The following DNAJC12 variants were observed in gnomAD, a reference collection of about 807,000 sequenced individuals.
DNAJC12 encodes the protein dnaJ homolog subfamily C member 12.
In DNAJC12, 25 loss-of-function variants were observed where a neutral mutation model predicts 28.5. That is an observed-to-expected ratio of 0.88 (90% CI 0.64 to 1.22). The LOEUF (loss-of-function observed/expected upper bound fraction) is 1.22. Among genes scored for constraint, DNAJC12 ranks in the 50% most tolerant of loss-of-function variants. The pLI is 0.00. For synonymous variants in DNAJC12, 77 were observed against 80.6 expected (o/e 0.95, Z 0.24); for missense variants, 222 against 231.7 (o/e 0.96, Z 0.27).
intron 2 of DNAJC12, among the ~76,000 whole-genome samples, chr10:67,821,164 T>G (rs1841977825): frequency 6.6e-6 from 1 of 152,204 alleles, no homozygotes; most frequent in Non-Finnish European, 1.5e-5. Context: ...GATATTATCC[T>G]TATAGAAAAA....
At chr10:67,836,506 A>G (rs1404268493) in intron 1 of DNAJC12, among the ~76,000 whole-genome samples, 3 of 152,168 alleles carry the variant, frequency 2.0e-5, no homozygotes, top group African/African-American at 7.2e-5. Context: ...TTGATTTTAA[A>G]TTATTCCTTC....
intron 1 of DNAJC12, among the ~76,000 whole-genome samples, chr10:67,836,214 G>A (rs1985797): frequency 0.68 from 103,390 of 151,802 alleles, 36,675 homozygotes; most frequent in Non-Finnish European, 0.8. Flanking sequence ...GGGGGAGAAG[G>A]GGAGGGACAG....
At chr10:67,811,396 T>C (rs1589605451) in intron 3 of DNAJC12, 128 bp downstream of exon 3, 1 of 1,522,032 alleles carries the variant, frequency 6.6e-7, no homozygotes, top group Non-Finnish European at 8.8e-7. Context: ...CTGAATTATA[T>C]CCAGACTCTG....
intron 4 of DNAJC12, among the ~76,000 whole-genome samples, chr10:67,802,568 T>C (rs1841757553): frequency 6.6e-6 from 1 of 152,208 alleles, no homozygotes; most frequent in Admixed American, 6.5e-5. Flanking sequence ...GACCATCCCA[T>C]CTGTGTGTAT....
At chr10:67,819,767 GAA>G (rs578150394) in intron 2 of DNAJC12, among the ~76,000 whole-genome samples, 1,056 of 22,450 alleles carry the variant, frequency 0.047, 58 homozygotes, top group East Asian at 0.23. Flanking sequence ...AGGAAGGAAG[GAA>G]GGAAGGAAGG....
In DNAJC12 at chr10:67,837,946, A is replaced by G; in HGVS notation, c.66T>C (p.Asp22=). 6.2e-7 allele frequency: 1 copy of G among 1,603,382 alleles called. No homozygotes were observed. Among genetic ancestry groups the G allele is most frequent in the African/African-American group, 1.3e-5 (1 of 74,494 alleles). ...TEDYYTLLGC[D]ELSSVEQILA... ...TCCACTGTCTTACCGAAGATAGTTC[A>G]TCACATCCCAGTAATGTGTAGTAAT... The change falls in exon 1 of 5, where the codon GAT becomes GAC. Residue 22 remains aspartate (D), a synonymous_variant. Coordinates refer to ENST00000225171, the MANE Select transcript of DNAJC12 (RefSeq NM_021800.3).
chr10:67,822,870 C>T (rs1334878839), intron 2 of DNAJC12, among the ~76,000 whole-genome samples: 1 of 151,852 alleles, frequency 6.6e-6, no homozygotes, highest in Non-Finnish European at 1.5e-5. Flanking sequence ...TGGTGCACGC[C>T]TGTAGTCCCA....
At chr10:67,802,031 G>T (rs116155236) in intron 4 of DNAJC12, among the ~76,000 whole-genome samples, 3,441 of 151,258 alleles carry the variant, frequency 0.023, 134 homozygotes, top group African/African-American at 0.079. Flanking sequence ...CTAGCTAATG[G>T]TTTTTTAATT....
In DNAJC12 at chr10:67,805,344, A is replaced by G. The variant is rs548890199; in HGVS notation, c.502+239T>C. Reference sequence around the variant, plus strand: ...TGTTCCTGCACATAGTAAACATTCAATCAATGTTAGCTAGCATTATGTCAG... The same window carrying G: ...TGTTCCTGCACATAGTAAACATTCAGTCAATGTTAGCTAGCATTATGTCAG... On this transcript the variant is annotated intron_variant, in intron 4 of 4. Coordinates refer to ENST00000225171, the MANE Select transcript of DNAJC12 (RefSeq NM_021800.3). Among the ~76,000 whole-genome samples, 72 of 152,322 alleles carry G rather than the reference A, an allele frequency of 4.7e-4. 2 individuals are homozygous for G. In the South Asian group the frequency reaches 0.015, roughly 31 times the overall value.
chr10:67,805,629 G>T lies in DNAJC12; in HGVS notation c.456C>A (p.Pro152=), dbSNP rs772545477. Residue 152 remains proline (P), a synonymous_variant, in exon 4 of 5, where the codon CCC becomes CCA. Transcript: ENST00000225171. ...STAEKTEQKE[P]KPLEKSVSPQ... ...GGGAGACTGACTTCTCTAGGGGCTT[G>T]GGTTCTTTCTGCTCCGTTTTCTCTG... 3.7e-6 allele frequency: 6 copies of T among 1,613,212 alleles called. No individual in the cohort carries two copies. The highest frequency in any genetic ancestry group is 2.7e-5 in the African/African-American group (2 of 74,864).
intron 1 of DNAJC12, among the ~76,000 whole-genome samples, chr10:67,834,723 A>G (rs1842126324): frequency 6.6e-6 from 1 of 152,188 alleles, no homozygotes; most frequent in Non-Finnish European, 1.5e-5. Context: ...GCTACTCAGG[A>G]GGCTGAAGCA....
intron 3 of DNAJC12, among the ~76,000 whole-genome samples, chr10:67,806,243 A>G (rs749089690): frequency 4.6e-5 from 7 of 152,224 alleles, no homozygotes; most frequent in Non-Finnish European, 8.8e-5. Flanking sequence ...CTGAAGTACT[A>G]AGAAACAGTG....
At chr10:67,828,581 C>T (rs1017758725) in intron 1 of DNAJC12, among the ~76,000 whole-genome samples, 1 of 151,962 alleles carries the variant, frequency 6.6e-6, no homozygotes, top group African/African-American at 2.4e-5. Context: ...CATCAGTCAC[C>T]ATAACCTGCT....
Position 67,823,295 on chromosome 10 carries a change from G to T in DNAJC12, c.157+19C>A. On this transcript the variant is annotated intron_variant, in intron 2 of 4. Coordinates refer to ENST00000225171, the MANE Select transcript of DNAJC12 (RefSeq NM_021800.3). ...ATACTACTCATTTTCTTGAGAAGTAGCCTTTATTAAGTTCTTACCAGCTTT... is the reference window on the plus strand; with the variant it reads ...ATACTACTCATTTTCTTGAGAAGTATCCTTTATTAAGTTCTTACCAGCTTT... 1 of 1,607,670 alleles carries T rather than the reference G, an allele frequency of 6.2e-7. No homozygotes were observed. Among genetic ancestry groups the T allele is most frequent in the Non-Finnish European group, 8.5e-7 (1 of 1,174,530 alleles).
At chr10:67,831,037 A>C (rs192285652) in intron 1 of DNAJC12, among the ~76,000 whole-genome samples, 60 of 152,254 alleles carry the variant, frequency 3.9e-4, no homozygotes, top group African/African-American at 1.4e-3. Context: ...AGATACAAAA[A>C]ATTAGCCGGG....
chr10:67,819,720 A>G (rs1276599892), intron 2 of DNAJC12, among the ~76,000 whole-genome samples: 1 of 5,538 alleles, frequency 1.8e-4, no homozygotes, highest in Non-Finnish European at 6.1e-4. Context: ...GGAAGGAAGC[A>G]AGGAAGGAAG....
intron 3 of DNAJC12, chr10:67,810,900 C>A (rs970213108): frequency 1.3e-5 from 2 of 152,142 alleles, no homozygotes; most frequent in Admixed American, 6.5e-5. Context: ...ATAAATCATG[C>A]CTAAATCTTT....
intron 1 of DNAJC12, among the ~76,000 whole-genome samples, chr10:67,830,518 G>T (rs1842082414): frequency 6.7e-6 from 1 of 150,214 alleles, no homozygotes; most frequent in South Asian, 2.1e-4. Context: ...TGAGGCAGAA[G>T]AACGGCGTGA....
At chr10:67,821,546 T>C (rs1406075475) in intron 2 of DNAJC12, among the ~76,000 whole-genome samples, 1 of 152,158 alleles carries the variant, frequency 6.6e-6, no homozygotes, top group Non-Finnish European at 1.5e-5. Context: ...TAATATTATC[T>C]ACCCTGAGGA....
Sources: gnomAD v4.1 joint callset for allele counts (sites outside exome capture counted in the v4.1 genomes callset) on GRCh38, gnomAD v4.1.1 for gene constraint, MANE v1.5 for transcripts, NCBI Gene and HGNC (gene_info 2026-07-23, HGNC 2026-07-21) for gene names.